GRIA4: variants seen among roughly 807,000 people sequenced by gnomAD.
The protein encoded by GRIA4 is glutamate ionotropic receptor AMPA type subunit 4.
GRIA4 carries 34 observed loss-of-function variants against 104.0 expected under a neutral mutation model. The ratio of observed to expected loss-of-function variants is 0.33; its 90% CI spans 0.25 to 0.44. The LOEUF is 0.44. Ranked by LOEUF, GRIA4 falls within the 20% of genes least tolerant of loss-of-function variation. The probability of loss-of-function intolerance (pLI) is 1.00; values close to 1 mark genes in which losing one functional copy is unlikely to be tolerated. For missense variants in GRIA4, 750 were observed against 1,096.5 expected (o/e 0.68, Z 4.46); for synonymous variants, 386 against 381.9 (o/e 1.01, Z -0.13).
intron 11 of GRIA4, among the ~76,000 whole-genome samples, chr11:105,921,545 C>T (rs1947564834): frequency 6.6e-6 from 1 of 152,124 alleles, no homozygotes; most frequent in Non-Finnish European, 1.5e-5. Flanking sequence ...AGACTCTCAC[C>T]TATCTCTAAC....
intron 4 of GRIA4, among the ~76,000 whole-genome samples, chr11:105,799,966 C>T (rs184690710): frequency 4.6e-5 from 7 of 152,116 alleles, no homozygotes; most frequent in Admixed American, 1.3e-4. Context: ...GGAATTTTGC[C>T]AAATGAATGT....
chr11:105,798,718 A>G (rs1022032033), intron 4 of GRIA4, among the ~76,000 whole-genome samples: 2 of 152,224 alleles, frequency 1.3e-5, no homozygotes, highest in East Asian at 3.9e-4. Flanking sequence ...AGGTACAGAC[A>G]ACAGGATTCT....
At chr11:105,752,693 C>A (rs1400917964) in intron 3 of GRIA4, among the ~76,000 whole-genome samples, 2 of 152,000 alleles carry the variant, frequency 1.3e-5, no homozygotes, top group East Asian at 3.9e-4. Flanking sequence ...TATGGAAGGC[C>A]ATATTTTTTT....
chr11:105,611,162 T>A lies in GRIA4; in HGVS notation c.88+77T>A, dbSNP rs1050514670. ...GAAAGTGAGTTAAATGAGTTGCTGATAAGCAATTCAGGGAAACCTTCAGCA... is the reference window on the plus strand; with the variant it reads ...GAAAGTGAGTTAAATGAGTTGCTGAAAAGCAATTCAGGGAAACCTTCAGCA... On this transcript the variant is annotated intron_variant, in intron 2 of 16. Transcript: ENST00000282499. 4 of 1,012,184 alleles carry A rather than the reference T, an allele frequency of 4.0e-6. No homozygotes were observed. In the African/African-American group the frequency reaches 4.7e-5, roughly 12 times the overall value. The allele number at this position is 1,012,184 out of a possible 1,614,324, so 62.7% of individuals were successfully genotyped here.
intron 3 of GRIA4, among the ~76,000 whole-genome samples, chr11:105,702,780 C>T (rs1246228359): frequency 6.8e-6 from 1 of 147,172 alleles, no homozygotes; most frequent in Non-Finnish European, 1.5e-5. Context: ...CTGCAACCTC[C>T]ACCTCCTGAG....
At chr11:105,738,954 C>A (rs1442628640) in intron 3 of GRIA4, among the ~76,000 whole-genome samples, 198 of 130,150 alleles carry the variant, frequency 1.5e-3, no homozygotes, top group Middle Eastern at 4.1e-3. Context: ...ACAAAAAAAA[C>A]CCAAAAAAAA....
chr11:105,977,007 G>T, intron 16 of GRIA4, among the ~76,000 whole-genome samples: 1 of 151,996 alleles, frequency 6.6e-6, no homozygotes, highest in East Asian at 1.9e-4. Flanking sequence ...ATATGGAATT[G>T]TTCAACCTTT....
chr11:105,610,984 G>A lies in GRIA4; in HGVS notation c.-14G>A, dbSNP rs146073046. 8 of 1,579,886 alleles carry A rather than the reference G, an allele frequency of 5.1e-6. No homozygotes were observed. The African/African-American group carries it at 9.5e-5, about 19-fold the overall frequency. On this transcript the variant is annotated 5_prime_UTR_variant, in exon 2 of 17. Coordinates refer to ENST00000282499, the MANE Select transcript of GRIA4 (RefSeq NM_000829.4). ...AAAGAGAGAGAGCGCGCGCCAGGGA[G>A]AGGAGAAAAGAAGATGAGGATTATT... is the stretch of plus-strand genomic sequence containing the variant.
At chr11:105,917,610 C>A (rs1487893696) in intron 10 of GRIA4, among the ~76,000 whole-genome samples, 1 of 152,018 alleles carries the variant, frequency 6.6e-6, no homozygotes, top group Non-Finnish European at 1.5e-5. Flanking sequence ...AATATGAATA[C>A]ATTATCTCAA....
intron 3 of GRIA4, among the ~76,000 whole-genome samples, chr11:105,712,721 T>G (rs1953955570): frequency 1.3e-5 from 2 of 152,098 alleles, no homozygotes; most frequent in African/African-American, 4.8e-5. Context: ...GTTTTTGTTT[T>G]TTTTAATATA....
At chr11:105,974,031 T>A (rs1012825436) in intron 15 of GRIA4, among the ~76,000 whole-genome samples, 2 of 152,216 alleles carry the variant, frequency 1.3e-5, no homozygotes, top group Non-Finnish European at 2.9e-5. Context: ...TAAGGCTAAG[T>A]ATAATGGTTT....
chr11:105,759,617 A>G (rs1940506664), intron 4 of GRIA4, among the ~76,000 whole-genome samples: 2 of 152,132 alleles, frequency 1.3e-5, no homozygotes, highest in South Asian at 4.1e-4. Flanking sequence ...CTTCTCGTGA[A>G]ATACCAAGAT....
intron 3 of GRIA4, among the ~76,000 whole-genome samples, chr11:105,702,407 A>G (rs568470422): frequency 6.6e-6 from 1 of 152,214 alleles, no homozygotes; most frequent in Non-Finnish European, 1.5e-5. Context: ...TTTTAAACAC[A>G]CACATATACA....
chr11:105,682,942 C>T (rs566723970), intron 3 of GRIA4, among the ~76,000 whole-genome samples: 1 of 152,218 alleles, frequency 6.6e-6, no homozygotes, highest in South Asian at 2.1e-4. Context: ...CTTAAGCCAT[C>T]TATTATTTTT....
intron 3 of GRIA4, among the ~76,000 whole-genome samples, chr11:105,745,896 T>C (rs994599829): frequency 6.6e-6 from 1 of 152,150 alleles, no homozygotes; most frequent in Non-Finnish European, 1.5e-5. Flanking sequence ...TTAGCTTGCC[T>C]GCCTCTCCTC....
At chr11:105,832,786 T>C (rs888627412) in intron 4 of GRIA4, among the ~76,000 whole-genome samples, 2 of 152,008 alleles carry the variant, frequency 1.3e-5, no homozygotes, top group Non-Finnish European at 2.9e-5. Flanking sequence ...GCTGACATTG[T>C]CCTTCGGCAT....
At chr11:105,666,016 G>A (rs1010706018) in intron 3 of GRIA4, among the ~76,000 whole-genome samples, 1 of 151,868 alleles carries the variant, frequency 6.6e-6, no homozygotes, top group African/African-American at 2.4e-5. Flanking sequence ...ATGAAATTCA[G>A]GTATTCATCA....
intron 6 of GRIA4, among the ~76,000 whole-genome samples, chr11:105,891,759 T>G (rs185019018): frequency 5.5e-4 from 84 of 152,284 alleles, no homozygotes; most frequent in Non-Finnish European, 1.1e-3. Flanking sequence ...ATTTATCAAA[T>G]TATTATTTTA....
At chr11:105,895,716 A>G (rs1319956002) in intron 6 of GRIA4, among the ~76,000 whole-genome samples, 1 of 152,100 alleles carries the variant, frequency 6.6e-6, no homozygotes, top group East Asian at 1.9e-4. Context: ...AAGGGATAGT[A>G]TCCTTACTTC....
Sources: gnomAD v4.1 joint callset for allele counts (sites outside exome capture counted in the v4.1 genomes callset) on GRCh38, gnomAD v4.1.1 for gene constraint, MANE v1.5 for transcripts, NCBI Gene and HGNC (gene_info 2026-07-23, HGNC 2026-07-21) for gene names.